Variants in SLC3A2 observed in about 807,000 individuals in gnomAD.
The protein encoded by SLC3A2 is solute carrier family 3 member 2.
A neutral mutation model predicts 48.5 loss-of-function variants in SLC3A2; 32 were observed. The observed-to-expected ratio is 0.66, with a 90% CI of 0.50 to 0.89. SLC3A2 has a LOEUF of 0.89. Among genes scored for constraint, SLC3A2 ranks in the 40% least tolerant of loss-of-function variants. The pLI, the probability that SLC3A2 is intolerant of heterozygous loss-of-function variation, is 0.00. For synonymous variants in SLC3A2, 277 were observed against 288.8 expected, an observed-to-expected ratio of 0.96 and a Z score of 0.41; for missense variants, 587 against 680.7, an observed-to-expected ratio of 0.86 and a Z score of 1.53.
Position 62,881,825 on chromosome 11 carries a change from G to T in SLC3A2, c.425-68G>T. ...CCCGTCCCACCCTTAGGCGCTGGGA[G>T]AAGGGAGGGTGGGGAGGTCAGGGGC... On this transcript the variant is annotated intron_variant, in intron 1 of 8. Coordinates refer to ENST00000338663, the MANE Select transcript of SLC3A2 (RefSeq NM_001013251.3). This position sits in a 1 kb window ranked among gnomAD's most constrained non-coding sequence, Gnocchi z 4.0. 6.4e-7 allele frequency: 1 copy of T among 1,555,826 alleles called. No individual in the cohort carries two copies. The highest frequency in any genetic ancestry group is 2.3e-5 in the East Asian group (1 of 44,282).
intron 6 of SLC3A2, 23 bp downstream of exon 6, chr11:62,885,380 A>G: frequency 1.2e-6 from 2 of 1,614,054 alleles, no homozygotes; most frequent in Non-Finnish European, 1.7e-6. Flanking sequence ...CTGGTGGGAA[A>G]GGGGGCAGAT....
At chr11:62,864,712 CGCCTCG>C (rs1234027428) in intron 1 of SLC3A2, among the ~76,000 whole-genome samples, 1 of 151,626 alleles carries the variant, frequency 6.6e-6, no homozygotes, top group Admixed American at 6.6e-5. Context: ...GTGATCCGCC[CGCCTCG>C]GCCTCCCAAA....
rs57671523 is a variant in SLC3A2, at chr11:62,870,838, GTAATAATAATAATAA to G, written c.113-10176_113-10162del. The G allele has an allele frequency of 6.8e-3, 1,175 of 173,280 alleles. 17 individuals carry two copies. Among genetic ancestry groups the G allele is most frequent in the African/African-American group, 0.034 (1,113 of 32,542 alleles). 10.7% of individuals were successfully genotyped at this position (173,280 alleles called of 1,614,324 possible). The stretch of plus-strand genomic sequence containing the variant: ...GCTTCCCAGAATGCCGAGATGATAG[GTAATAATAATAATAA>G]TAATTATTATTATTATTATTATTAT... On this transcript the variant is annotated intron_variant, in intron 1 of 9. Coordinates refer to the SLC3A2 transcript ENST00000377889.
intron 1 of SLC3A2, among the ~76,000 whole-genome samples, chr11:62,866,044 G>A (rs573238796): frequency 6.6e-6 from 1 of 151,932 alleles, no homozygotes; most frequent in East Asian, 1.9e-4. Context: ...GTCCTTTCTT[G>A]GAACACCATT....
intron 2 of SLC3A2, chr11:62,882,408 CAT>C (rs1053638816): frequency 9.8e-5 from 28 of 285,848 alleles, no homozygotes; most frequent in Admixed American, 4.9e-4. Context: ...GATATAGACA[CAT>C]GTTTAAAAAG....
intron 7 of SLC3A2, among the ~76,000 whole-genome samples, chr11:62,887,211 C>T (rs1232576423): frequency 2.6e-5 from 4 of 151,914 alleles, no homozygotes; most frequent in Non-Finnish European, 5.9e-5. Flanking sequence ...CAAAAGAAGG[C>T]GGGGTAAGGA....
chr11:62,876,979 C>T (rs1003585137), upstream of SLC3A2: 77 of 984,732 alleles, frequency 7.8e-5, no homozygotes, highest in African/African-American at 8.7e-5. Context: ...TATGATACAG[C>T]GTTATTTAAA....
chr11:62,884,582 T>C (rs746306749), intron 4 of SLC3A2, 50 bp from the exon 5 acceptor site: 3 of 1,613,332 alleles, frequency 1.9e-6, no homozygotes, highest in Admixed American at 1.7e-5. Context: ...GGGACTCAGC[T>C]AGAGCCTCAT....
chr11:62,871,512 T>C, intron 1 of SLC3A2: 1 of 524,942 alleles, frequency 1.9e-6, no homozygotes, highest in Non-Finnish European at 3.4e-6. Context: ...AGTGCTGGGA[T>C]TACAGGCGTG....
At chr11:62,869,786 ATT>A (rs755881489) in intron 1 of SLC3A2, among the ~76,000 whole-genome samples, 12 of 135,848 alleles carry the variant, frequency 8.8e-5, no homozygotes, top group African/African-American at 5.4e-5. Context: ...TCTTTTGTGT[ATT>A]TTTTTTTTTT....
upstream of SLC3A2, chr11:62,880,633 G>C (rs1286346252): frequency 5.6e-6 from 1 of 177,190 alleles, no homozygotes; most frequent in Non-Finnish European, 1.2e-5. Flanking sequence ...GGGGCCTCGG[G>C]ATTTGGGGCA....
In SLC3A2 at chr11:62,871,174, G is replaced by A. The variant is rs573936554; in HGVS notation, c.113-9845G>A. Among the ~76,000 whole-genome samples the A allele has an allele frequency of 4.8e-4, 72 of 150,794 alleles. 2 individuals are homozygous for A. Among genetic ancestry groups the A allele is most frequent in the African/African-American group, 1.7e-3 (68 of 41,078 alleles). ...TGGGATTACAGGCGTGAGCCATTGC[G>A]CCCGGCCTGATTACAGGTAATTATT... On this transcript the variant is annotated intron_variant, in intron 1 of 9. Transcript: ENST00000377889.
chr11:62,885,031 A>G (rs1018601240), intron 5 of SLC3A2, 146 bp from the exon 6 acceptor site: 35 of 812,400 alleles, frequency 4.3e-5, no homozygotes, highest in African/African-American at 2.1e-4. Flanking sequence ...GGGTTTCTCC[A>G]TGTTGGTCAA....
At chr11:62,876,194 A>G (rs79620835), upstream of SLC3A2, among the ~76,000 whole-genome samples, 1,565 of 152,292 alleles carry the variant, frequency 0.01, 18 homozygotes, top group African/African-American at 0.036. Context: ...AGGAAAAATA[A>G]ATGTCCTGTT....
In SLC3A2 at chr11:62,884,760, G is replaced by A. The variant is rs116922121; in HGVS notation, c.818+70G>A. 3.7e-3 allele frequency: 4,418 copies of A among 1,194,116 alleles called. 12 individuals carry two copies. Among genetic ancestry groups the A allele is most frequent in the Non-Finnish European group, 4.5e-3 (3,935 of 876,988 alleles). 74.0% of individuals were successfully genotyped at this position (1,194,116 alleles called of 1,614,324 possible). Reference sequence around the variant, plus strand: ...CCCCTCAGTGGAGTGCTAGGCCTAAGAAGGGGGGATTCCTAGTCTAGAGCA... The same window carrying A: ...CCCCTCAGTGGAGTGCTAGGCCTAAAAAGGGGGGATTCCTAGTCTAGAGCA... On this transcript the variant is annotated intron_variant, in intron 5 of 8. Transcript: ENST00000338663.
rs2070870 is a variant in SLC3A2, at chr11:62,881,570, T to C, written c.424+123T>C. ...CCCTCCATCCCGTACCGACGACTGTTCCCCCTTCCCCCACCCCCTCCCCGG... is the reference window on the plus strand; with the variant it reads ...CCCTCCATCCCGTACCGACGACTGTCCCCCCTTCCCCCACCCCCTCCCCGG... On this transcript the variant is annotated intron_variant, in intron 1 of 8. Transcript: ENST00000338663. The surrounding 1 kb of genome is among the most constrained non-coding windows in gnomAD (Gnocchi z 4.0). 0.27 allele frequency: 348,852 copies of C among 1,299,680 alleles called. 49,802 individuals are homozygous for C. Among genetic ancestry groups the C allele is most frequent in the Non-Finnish European group, 0.3 (290,881 of 976,688 alleles). The allele number at this position is 1,299,680 out of a possible 1,614,324, so 80.5% of individuals were successfully genotyped here.
chr11:62,874,656 C>T (rs912760897), intron 1 of SLC3A2, among the ~76,000 whole-genome samples: 1 of 152,178 alleles, frequency 6.6e-6, no homozygotes, highest in Non-Finnish European at 1.5e-5. Context: ...ATGGGTTCTT[C>T]AGATAGTAGC....
At chr11:62,872,090 T>A (rs1279590787) in intron 1 of SLC3A2, among the ~76,000 whole-genome samples, 1 of 152,168 alleles carries the variant, frequency 6.6e-6, no homozygotes, top group East Asian at 1.9e-4. Context: ...ATTTTTTTTG[T>A]ATTTTTAGTA....
At chr11:62,885,723 A>G in intron 7 of SLC3A2, 115 bp downstream of exon 7, 1 of 1,129,138 alleles carries the variant, frequency 8.9e-7, no homozygotes, top group Non-Finnish European at 1.3e-6. Flanking sequence ...TTTGATTCTT[A>G]GTCAGTAGCT....
Sources: gnomAD v4.1 joint callset for allele counts (sites outside exome capture counted in the v4.1 genomes callset) on GRCh38, gnomAD v4.1.1 for gene constraint, Gnocchi (gnomAD v3.1) non-coding constraint, MANE v1.5 for transcripts, NCBI Gene and HGNC (gene_info 2026-07-23, HGNC 2026-07-21) for gene names.